Variants in ROBO1 observed in about 807,000 individuals in gnomAD.
ROBO1 encodes the protein roundabout guidance receptor 1, also known as roundabout homolog 1.
A neutral mutation model predicts 195.9 loss-of-function variants in ROBO1; 149 were observed. The ratio of observed to expected loss-of-function variants is 0.76; its 90% CI spans 0.67 to 0.87. The LOEUF (loss-of-function observed/expected upper bound fraction) is 0.87. ROBO1 is among the 40% of genes least tolerant of loss of function. The probability of loss-of-function intolerance (pLI) is 0.00; values close to 1 mark genes in which losing one functional copy is unlikely to be tolerated. For synonymous variants in ROBO1, 816 were observed against 733.2 expected, an observed-to-expected ratio of 1.11 and a Z score of -1.82; for missense variants, 1,933 against 2,068.3, an observed-to-expected ratio of 0.93 and a Z score of 1.27.
At chr3:78,790,833 CA>C (rs1205555240) in intron 4 of ROBO1, among the ~76,000 whole-genome samples, 1 of 152,108 alleles carries the variant, frequency 6.6e-6, no homozygotes, top group Non-Finnish European at 1.5e-5. Context: ...GGTTGACAGA[CA>C]GCTGCTGTAA....
At chr3:79,069,884 T>C (rs1288466107) in intron 3 of ROBO1, among the ~76,000 whole-genome samples, 2 of 152,062 alleles carry the variant, frequency 1.3e-5, no homozygotes, top group African/African-American at 4.8e-5. Context: ...GAGATATTCC[T>C]GCAATCTTAT....
At chr3:79,449,393 A>C (rs2039372155) in intron 2 of ROBO1, among the ~76,000 whole-genome samples, 1 of 152,148 alleles carries the variant, frequency 6.6e-6, no homozygotes. Context: ...TGGCAGAAGA[A>C]CATTCATTTC....
intron 3 of ROBO1, among the ~76,000 whole-genome samples, chr3:79,121,580 A>G (rs983290156): frequency 6.6e-6 from 1 of 152,040 alleles, no homozygotes; most frequent in African/African-American, 2.4e-5. Flanking sequence ...TTTCATGGCT[A>G]GATTTTACTT....
chr3:78,713,363 T>C (rs2081814429), intron 8 of ROBO1, among the ~76,000 whole-genome samples: 1 of 152,060 alleles, frequency 6.6e-6, no homozygotes, highest in Non-Finnish European at 1.5e-5. Context: ...TTTTTCTAAG[T>C]AGTCTTAGAA....
At chr3:78,643,177 T>C (rs1008792828) in intron 21 of ROBO1, among the ~76,000 whole-genome samples, 2 of 152,166 alleles carry the variant, frequency 1.3e-5, no homozygotes, top group Non-Finnish European at 2.9e-5. Flanking sequence ...GATAGTAACA[T>C]TTTAAGGCTT....
At chr3:79,152,781 T>C in intron 2 of ROBO1, among the ~76,000 whole-genome samples, 1 of 151,652 alleles carries the variant, frequency 6.6e-6, no homozygotes, top group East Asian at 1.9e-4. Flanking sequence ...AAGGGATTCA[T>C]TTGGAGGGGT....
chr3:79,391,511 C>T (rs1323147747), intron 2 of ROBO1, among the ~76,000 whole-genome samples: 1 of 152,022 alleles, frequency 6.6e-6, no homozygotes, highest in Non-Finnish European at 1.5e-5. Flanking sequence ...GTGTTTTGGC[C>T]AATCAGCAAC....
intron 5 of ROBO1, among the ~76,000 whole-genome samples, chr3:78,740,628 C>T (rs368748445): frequency 2.6e-5 from 4 of 151,974 alleles, no homozygotes; most frequent in East Asian, 3.9e-4. Flanking sequence ...TGCACCATGA[C>T]GCCTGGCTAG....
At chr3:78,666,012 A>T (rs1707712493) in intron 14 of ROBO1, among the ~76,000 whole-genome samples, 1 of 152,182 alleles carries the variant, frequency 6.6e-6, no homozygotes, top group Middle Eastern at 3.4e-3. Context: ...TAACTGAATC[A>T]TGGAGTAGTT....
At chr3:79,700,317 T>TTG (rs71130610) in intron 1 of ROBO1, among the ~76,000 whole-genome samples, 2,415 of 143,982 alleles carry the variant, frequency 0.017, 30 homozygotes, top group South Asian at 0.03. Flanking sequence ...GTGTGTGTGT[T>TTG]TGTGTGTGTG....
At chr3:79,195,976 T>C (rs2081625546) in intron 2 of ROBO1, among the ~76,000 whole-genome samples, 1 of 151,630 alleles carries the variant, frequency 6.6e-6, no homozygotes, top group Admixed American at 6.6e-5. Context: ...ACAGACACAT[T>C]AATTTAATTA....
chr3:79,181,388 T>TA (rs1488625725), intron 2 of ROBO1, among the ~76,000 whole-genome samples: 1 of 152,208 alleles, frequency 6.6e-6, no homozygotes, highest in Non-Finnish European at 1.5e-5. Context: ...TGAATTAAAA[T>TA]ATGCACCCTC....
intron 2 of ROBO1, among the ~76,000 whole-genome samples, chr3:79,347,964 C>T (rs933273261): frequency 2.5e-4 from 38 of 152,026 alleles, no homozygotes; most frequent in African/African-American, 9.2e-4. Context: ...GTAATCCCAG[C>T]ACCTTAAGAG....
At chr3:78,624,518 C>A (rs917695780) in intron 26 of ROBO1, among the ~76,000 whole-genome samples, 2 of 151,934 alleles carry the variant, frequency 1.3e-5, no homozygotes, top group African/African-American at 4.8e-5. Context: ...TAATGTATTA[C>A]CCAATTACAT....
intron 1 of ROBO1, among the ~76,000 whole-genome samples, chr3:79,680,935 G>C (rs1263525476): frequency 6.6e-6 from 1 of 151,952 alleles, no homozygotes; most frequent in Non-Finnish European, 1.5e-5. Context: ...GCTGGAAGTT[G>C]AGGTTGTTGA....
rs376787370 is a variant in ROBO1, at chr3:78,668,022, G to T, written c.1827C>A (p.Thr609=). Residue 609 remains threonine (T), a synonymous_variant, in exon 14 of 31, where the codon ACC becomes ACA. Transcript: ENST00000464233. ...TTTCTGTTTTCACATTCTCTGCTACGGTCTGCCAGCTGCTACCAGATGCAT... is the reference window on the plus strand; with the variant it reads ...TTTCTGTTTTCACATTCTCTGCTACTGTCTGCCAGCTGCTACCAGATGCAT... ...FSHASGSSWQ[T]VAENVKTETS... is the part of the protein sequence containing the mutation. 1.2e-6 allele frequency: 2 copies of T among 1,613,368 alleles called. No individual in the cohort carries two copies. The highest frequency in any genetic ancestry group is 1.7e-6 in the Non-Finnish European group (2 of 1,179,708).
intron 3 of ROBO1, among the ~76,000 whole-genome samples, chr3:78,941,349 G>C (rs867506976): frequency 4.5e-4 from 69 of 152,242 alleles, no homozygotes; most frequent in African/African-American, 1.6e-3. Flanking sequence ...GTGAAATTCA[G>C]ATTGGATTTT....
intron 2 of ROBO1, among the ~76,000 whole-genome samples, chr3:79,488,309 G>A (rs1385437340): frequency 6.6e-6 from 1 of 152,160 alleles, no homozygotes; most frequent in East Asian, 1.9e-4. Flanking sequence ...AATGGAGGGG[G>A]AATTTTTTTT....
intron 2 of ROBO1, among the ~76,000 whole-genome samples, chr3:79,371,603 A>G (rs2036196078): frequency 6.6e-6 from 1 of 152,202 alleles, no homozygotes; most frequent in African/African-American, 2.4e-5. Flanking sequence ...GCAAAAAAAA[A>G]TGGTTCTTGA....
Sources: gnomAD v4.1 joint callset for allele counts (sites outside exome capture counted in the v4.1 genomes callset) on GRCh38, gnomAD v4.1.1 for gene constraint, MANE v1.5 for transcripts, NCBI Gene and HGNC (gene_info 2026-07-23, HGNC 2026-07-21) for gene names.